SPMIP4: variants seen among roughly 807,000 people sequenced by gnomAD.
The protein encoded by SPMIP4 is sperm microtubule inner protein 4, also known as sperm-associated microtubule inner protein 4.
chr7:25,148,445 C>T, the SPMIP4 span, among the ~76,000 whole-genome samples: 6 of 149,480 alleles, frequency 4.0e-5, no homozygotes, highest in South Asian at 8.4e-4. Context: ...ATTAATAGAT[C>T]TGAGAAAGGC....
At chr7:25,163,312 C>T in the SPMIP4 span, among the ~76,000 whole-genome samples, 1 of 152,140 alleles carries the variant, frequency 6.6e-6, no homozygotes, top group African/African-American at 2.4e-5. The surrounding 1 kb of genome is among the most constrained non-coding windows in gnomAD (Gnocchi z 4.4). Flanking sequence ...TTTTTTTTCT[C>T]TCTATAATCT....
chr7:25,158,945 G>T, the SPMIP4 span, among the ~76,000 whole-genome samples: 1 of 152,016 alleles, frequency 6.6e-6, no homozygotes, highest in Non-Finnish European at 1.5e-5. Context: ...CTGGATTCCT[G>T]AATATTGACA....
the SPMIP4 span, among the ~76,000 whole-genome samples, chr7:25,148,507 G>C: frequency 0.6 from 83,742 of 140,408 alleles, 26,201 homozygotes; most frequent in Non-Finnish European, 0.68. Context: ...GACAGAGTCT[G>C]ACTCTCACCC....
At chr7:25,177,014 G>A in the SPMIP4 span, among the ~76,000 whole-genome samples, 6 of 152,218 alleles carry the variant, frequency 3.9e-5, no homozygotes, top group African/African-American at 1.4e-4. Context: ...CTGCTAGCAT[G>A]GGATGATGAA....
the SPMIP4 span, among the ~76,000 whole-genome samples, chr7:25,166,253 G>GTTTTTT: frequency 2.1e-5 from 1 of 46,742 alleles, no homozygotes; most frequent in Non-Finnish European, 5.3e-5. Context: ...TTGAGACGGA[G>GTTTTTT]TTTCACTCTT....
the SPMIP4 span, among the ~76,000 whole-genome samples, chr7:25,139,033 G>A: frequency 6.6e-6 from 1 of 152,136 alleles, no homozygotes; most frequent in Non-Finnish European, 1.5e-5. Context: ...GGTATGAGGA[G>A]GAAACTTTCT....
chr7:25,171,402 G>A, the SPMIP4 span, among the ~76,000 whole-genome samples: 1 of 152,190 alleles, frequency 6.6e-6, no homozygotes, highest in African/African-American at 2.4e-5. Context: ...ACTGCTTTCT[G>A]TGATAGAGGA....
the SPMIP4 span, among the ~76,000 whole-genome samples, chr7:25,163,750 T>C: frequency 1.6e-4 from 25 of 152,332 alleles, no homozygotes; most frequent in African/African-American, 4.6e-4. The surrounding 1 kb of genome is among the most constrained non-coding windows in gnomAD (Gnocchi z 4.4). Flanking sequence ...GATAATTACA[T>C]TGAACCCCTT....
chr7:25,168,051 AG>A, the SPMIP4 span, among the ~76,000 whole-genome samples: 3 of 152,224 alleles, frequency 2.0e-5, no homozygotes, highest in Non-Finnish European at 1.5e-5. Flanking sequence ...TTTCTATCTC[AG>A]GAACATTAAA....
the SPMIP4 span, chr7:25,161,272 G>T: frequency 1.3e-4 from 186 of 1,416,612 alleles, 2 homozygotes; most frequent in East Asian, 4.3e-3. Context: ...TGAAAAGAAA[G>T]AAAAGATTAA....
the SPMIP4 span, chr7:25,161,360 T>C: frequency 1.9e-6 from 1 of 525,642 alleles, no homozygotes; most frequent in African/African-American, 2.0e-5. Flanking sequence ...TATCCACATA[T>C]ATGTAGAAAT....
the SPMIP4 span, among the ~76,000 whole-genome samples, chr7:25,128,183 G>A: frequency 1.4e-4 from 21 of 152,318 alleles, no homozygotes; most frequent in Admixed American, 8.5e-4. This position sits in a 1 kb window ranked among gnomAD's most constrained non-coding sequence, Gnocchi z 4.5. Flanking sequence ...TCTGGTCCAA[G>A]GCTTGCAGTG....
At chr7:25,132,957 A>G in the SPMIP4 span, among the ~76,000 whole-genome samples, 5 of 151,544 alleles carry the variant, frequency 3.3e-5, no homozygotes, top group Non-Finnish European at 7.4e-5. The surrounding 1 kb of genome is among the most constrained non-coding windows in gnomAD (Gnocchi z 5.0). Flanking sequence ...CATGTGTGCA[A>G]TTTATTCAAG....
At chr7:25,127,863 G>A in the SPMIP4 span, among the ~76,000 whole-genome samples, 1 of 152,170 alleles carries the variant, frequency 6.6e-6, no homozygotes, top group African/African-American at 2.4e-5. Flanking sequence ...AGTATTTGAA[G>A]GGACTTGGGT....
At chr7:25,174,970 T>C in the SPMIP4 span, among the ~76,000 whole-genome samples, 1 of 152,220 alleles carries the variant, frequency 6.6e-6, no homozygotes, top group African/African-American at 2.4e-5. This position sits in a 1 kb window ranked among gnomAD's most constrained non-coding sequence, Gnocchi z 4.5. Context: ...GTAATTAAAG[T>C]GTAGCAACTA....
chr7:25,139,854 A>G, the SPMIP4 span, among the ~76,000 whole-genome samples: 1 of 152,210 alleles, frequency 6.6e-6, no homozygotes, highest in Non-Finnish European at 1.5e-5. Flanking sequence ...TTACCATTAA[A>G]ACATGTTTTC....
the SPMIP4 span, chr7:25,155,159 G>C: frequency 1.3e-6 from 2 of 1,578,768 alleles, no homozygotes; most frequent in Non-Finnish European, 1.7e-6. Context: ...GTGTGTGGTA[G>C]GGGTGTTCAA....
chr7:25,135,998 G>A, the SPMIP4 span: 1 of 1,607,198 alleles, frequency 6.2e-7, no homozygotes, highest in African/African-American at 1.3e-5. Context: ...TAGGAATTAT[G>A]GCCATAGAAT....
At chr7:25,141,750 T>C in the SPMIP4 span, among the ~76,000 whole-genome samples, 1 of 152,092 alleles carries the variant, frequency 6.6e-6, no homozygotes, top group East Asian at 1.9e-4. Flanking sequence ...GAAATCTCTT[T>C]TTTTTGAGAC....
Sources: gnomAD v4.1 joint callset for allele counts (sites outside exome capture counted in the v4.1 genomes callset) on GRCh38, gnomAD v4.1.1 for gene constraint, Gnocchi (gnomAD v3.1) non-coding constraint, MANE v1.5 for transcripts, NCBI Gene and HGNC (gene_info 2026-07-23, HGNC 2026-07-21) for gene names.